ARHGEF10: variants seen among roughly 807,000 people sequenced by gnomAD.
The protein encoded by ARHGEF10 is Rho guanine nucleotide exchange factor (GEF) 10.
Under a neutral mutation model 147.4 loss-of-function variants are expected in ARHGEF10, and 140 were observed. The ratio of observed to expected loss-of-function variants is 0.95; its 90% CI spans 0.83 to 1.09. The LOEUF (loss-of-function observed/expected upper bound fraction) is 1.09, where lower values mean the gene tolerates loss of function less well. ARHGEF10 is among the 50% of genes least tolerant of loss of function. ARHGEF10 has a pLI of 0.00. For missense variants in ARHGEF10, 2,222 were observed against 1,752.7 expected (o/e 1.27, Z -4.78); for synonymous variants, 902 against 695.8 (o/e 1.30, Z -4.67).
intron 2 of ARHGEF10, among the ~76,000 whole-genome samples, chr8:1,851,651 G>T (rs1805159419): frequency 6.6e-6 from 1 of 152,142 alleles, no homozygotes; most frequent in African/African-American, 2.4e-5. Context: ...GTTGGCTCTT[G>T]CCTGTAATCC....
At chr8:1,943,902 T>G (rs1271843863) in intron 26 of ARHGEF10, 1 of 152,188 alleles carries the variant, frequency 6.6e-6, no homozygotes, top group East Asian at 1.9e-4. Context: ...AATGGGCATT[T>G]TAGAGGTGGG....
intron 2 of ARHGEF10, among the ~76,000 whole-genome samples, chr8:1,848,987 C>T (rs1200117305): frequency 6.6e-6 from 1 of 152,020 alleles, no homozygotes; most frequent in Non-Finnish European, 1.5e-5. Flanking sequence ...TACCGTTTAC[C>T]TATTTAACTT....
intron 2 of ARHGEF10, among the ~76,000 whole-genome samples, chr8:1,856,445 TTTCC>T (rs1221184210): frequency 6.6e-6 from 1 of 152,192 alleles, no homozygotes; most frequent in Non-Finnish European, 1.5e-5. Flanking sequence ...TAAAAATCTG[TTTCC>T]TTCAAAAGGC....
At chr8:1,854,867 C>G (rs1376008734) in intron 2 of ARHGEF10, among the ~76,000 whole-genome samples, 1 of 152,192 alleles carries the variant, frequency 6.6e-6, no homozygotes, top group Non-Finnish European at 1.5e-5. Context: ...GAGGTGCCGG[C>G]TCCGAGAACG....
chr8:1,909,083 C>A (rs1228057403), intron 17 of ARHGEF10, among the ~76,000 whole-genome samples: 2 of 152,198 alleles, frequency 1.3e-5, no homozygotes, highest in African/African-American at 4.8e-5. Flanking sequence ...TGCGGCTCTT[C>A]CCTGCACTCT....
chr8:1,915,789 AC>A (rs1441889633), intron 18 of ARHGEF10, among the ~76,000 whole-genome samples: 1 of 152,230 alleles, frequency 6.6e-6, no homozygotes, highest in Non-Finnish European at 1.5e-5. Flanking sequence ...AAAGAGGGAT[AC>A]CCATATTTTC....
intron 27 of ARHGEF10, among the ~76,000 whole-genome samples, chr8:1,952,156 C>T (rs1031360168): frequency 1.3e-5 from 2 of 152,254 alleles, no homozygotes; most frequent in Non-Finnish European, 2.9e-5. Context: ...CTGTGTCCAG[C>T]GCTGAGGCTG....
intron 11 of ARHGEF10, among the ~76,000 whole-genome samples, chr8:1,887,369 C>T (rs1360715479): frequency 1.3e-5 from 2 of 152,190 alleles, no homozygotes; most frequent in African/African-American, 4.8e-5. Context: ...AGCTGAAGAC[C>T]AGTGGGCAGG....
chr8:1,879,655 C>G (rs923576316), intron 8 of ARHGEF10, among the ~76,000 whole-genome samples: 1 of 151,864 alleles, frequency 6.6e-6, no homozygotes, highest in Non-Finnish European at 1.5e-5. Flanking sequence ...CAGGCTCAAG[C>G]AATTCGCCCA....
At position 1,858,083 on chromosome 8, in the gene ARHGEF10, G is replaced by A; in HGVS notation, c.161G>A (p.Gly54Asp). 3 of 1,613,788 alleles carry A rather than the reference G, an allele frequency of 1.9e-6. No individual in the cohort carries two copies. The highest frequency in any genetic ancestry group is 2.5e-6 in the Non-Finnish European group (3 of 1,179,978). The change falls in exon 3 of 29, where the codon GGT (glycine) becomes GAT (aspartate). Residue 54 changes from glycine (G) to aspartate (D), a missense_variant. Transcript: ENST00000349830. The stretch of plus-strand genomic sequence containing the variant: ...GCCCCATCCGCCCCTGAGACAGGAG[G>A]TGCTGGAGCCAGTGAAGCCCCTGCA... ...RQAPSAPETG[G>D]AGASEAPAPT... is the part of the protein sequence containing the mutation.
At chr8:1,888,475 G>T (rs1808991610) in intron 11 of ARHGEF10, among the ~76,000 whole-genome samples, 1 of 140,364 alleles carries the variant, frequency 7.1e-6, no homozygotes, top group Non-Finnish European at 1.5e-5. Context: ...GGGTATTGAG[G>T]AGACACTGAG....
intron 10 of ARHGEF10, among the ~76,000 whole-genome samples, chr8:1,884,815 AG>A (rs2129131191): frequency 6.6e-6 from 1 of 152,252 alleles, no homozygotes; most frequent in Non-Finnish European, 1.5e-5. Context: ...CCCAGGCTGG[AG>A]TGCAGTGGCA....
rs141509973 is a variant in ARHGEF10, at chr8:1,928,704, C to T, written c.2921+54C>T. On this transcript the variant is annotated intron_variant, in intron 24 of 28. Transcript: ENST00000349830. ...ATTAGCAAGCTCTGCCCATGGAGGG[C>T]GTGGTGGGGAGCCTGTCCTGGAAAG... is the stretch of plus-strand genomic sequence containing the variant. The T allele has an allele frequency of 2.1e-5, 33 of 1,587,680 alleles. No homozygotes were observed. In the East Asian group the frequency reaches 3.6e-4, roughly 17 times the overall value.
At chr8:1,884,165 G>A (rs1169002016) in intron 10 of ARHGEF10, among the ~76,000 whole-genome samples, 1 of 152,080 alleles carries the variant, frequency 6.6e-6, no homozygotes, top group Non-Finnish European at 1.5e-5. Flanking sequence ...AGGCCGAGGC[G>A]GGCAGATCAC....
chr8:1,882,598 C>A lies in ARHGEF10; in HGVS notation c.961-37C>A, dbSNP rs370553946. ...AAATGAAAGTCGCAGGTGGGTTCTG[C>A]CGCCGTCCCGTTCTCACATCTCCCT... On this transcript the variant is annotated intron_variant, in intron 9 of 28. Coordinates refer to ENST00000349830, the MANE Select transcript of ARHGEF10 (RefSeq NM_014629.4). 69 of 1,523,168 alleles carry A rather than the reference C, an allele frequency of 4.5e-5. 1 individual carries two copies. The Admixed American group carries it at 1.3e-3, about 29-fold the overall frequency. 94.4% of individuals were successfully genotyped at this position (1,523,168 alleles called of 1,614,324 possible).
intron 16 of ARHGEF10, chr8:1,904,012 G>GC (rs1810690013): frequency 6.3e-6 from 1 of 159,666 alleles, no homozygotes; most frequent in Middle Eastern, 3.3e-3. Flanking sequence ...CCAGAGGATT[G>GC]CTCGAGCCTG....
intron 2 of ARHGEF10, among the ~76,000 whole-genome samples, chr8:1,846,936 A>T (rs1804608762): frequency 6.6e-6 from 1 of 152,056 alleles, no homozygotes. Flanking sequence ...GTTTGTGAGT[A>T]TTTTCAGGCT....
chr8:1,927,674 G>A (rs1812789374), intron 23 of ARHGEF10, among the ~76,000 whole-genome samples: 1 of 152,170 alleles, frequency 6.6e-6, no homozygotes, highest in Admixed American at 6.5e-5. Flanking sequence ...CAGCACTTTG[G>A]GAGGCCGAGG....
chr8:1,837,500 A>G (rs747067552), intron 1 of ARHGEF10, among the ~76,000 whole-genome samples: 13 of 147,214 alleles, frequency 8.8e-5, no homozygotes, highest in African/African-American at 1.2e-4. Context: ...AATAGCATGA[A>G]TGAGATTTAC....
Sources: gnomAD v4.1 joint callset for allele counts (sites outside exome capture counted in the v4.1 genomes callset) on GRCh38, gnomAD v4.1.1 for gene constraint, MANE v1.5 for transcripts, NCBI Gene and HGNC (gene_info 2026-07-23, HGNC 2026-07-21) for gene names.